The following KCNN2 variants were observed in gnomAD, a reference collection of about 807,000 sequenced individuals.
KCNN2 encodes the protein potassium calcium-activated channel subfamily N member 2, also known as small conductance calcium-activated potassium channel protein 2.
A neutral mutation model predicts 55.5 loss-of-function variants in KCNN2; 24 were observed. That is an observed-to-expected ratio of 0.43 (90% confidence interval 0.31 to 0.61). The LOEUF (loss-of-function observed/expected upper bound fraction) is 0.61. Among genes scored for constraint, KCNN2 ranks in the 20% least tolerant of loss-of-function variants. KCNN2 has a pLI of 0.08. For missense variants in KCNN2, 754 were observed against 853.6 expected (o/e 0.88, Z 1.45); for synonymous variants, 431 against 336.1 (o/e 1.28, Z -3.09).
At chr5:114,112,369 C>T (rs1751617807) in intron 1 of KCNN2, among the ~76,000 whole-genome samples, 1 of 152,080 alleles carries the variant, frequency 6.6e-6, no homozygotes, top group Admixed American at 6.6e-5. Context: ...AAGAGAAATA[C>T]CTAATGTAAA....
At chr5:114,156,947 A>C (rs1752647540) in intron 1 of KCNN2, among the ~76,000 whole-genome samples, 1 of 151,982 alleles carries the variant, frequency 6.6e-6, no homozygotes, top group Middle Eastern at 3.4e-3. Flanking sequence ...TTGTTTAGTT[A>C]TGTAGTATAC....
chr5:114,440,006 C>G (rs1760148961), intron 3 of KCNN2, among the ~76,000 whole-genome samples: 1 of 152,086 alleles, frequency 6.6e-6, no homozygotes, highest in African/African-American at 2.4e-5. Flanking sequence ...AGGGACATAC[C>G]TTGACTCAGG....
At chr5:114,427,217 T>C (rs1414043295) in intron 3 of KCNN2, among the ~76,000 whole-genome samples, 1 of 152,224 alleles carries the variant, frequency 6.6e-6, no homozygotes, top group African/African-American at 2.4e-5. Context: ...TTCCCAATTT[T>C]CTACTCACCT....
intron 1 of KCNN2, among the ~76,000 whole-genome samples, chr5:114,152,653 G>C (rs957703117): frequency 6.6e-6 from 1 of 152,142 alleles, no homozygotes; most frequent in East Asian, 1.9e-4. Context: ...TACCCTGATA[G>C]AGAACACAGT....
chr5:114,190,588 G>A (rs1262474881), intron 1 of KCNN2, among the ~76,000 whole-genome samples: 1 of 151,998 alleles, frequency 6.6e-6, no homozygotes, highest in Non-Finnish European at 1.5e-5. Context: ...ACAATATATA[G>A]TATCTACATA....
intron 2 of KCNN2, among the ~76,000 whole-genome samples, chr5:114,386,221 A>T (rs910682756): frequency 6.6e-6 from 1 of 151,542 alleles, no homozygotes; most frequent in African/African-American, 2.4e-5. Context: ...TAGAGTGGTT[A>T]AATGACTTGC....
rs562276720 is a variant in KCNN2 at position 114,392,874 on chromosome 5, G to GT, written c.1219-11558dup. Among the ~76,000 whole-genome samples the GT allele has an allele frequency of 2.0e-3, 269 of 135,472 alleles. 1 individual carries two copies. The highest frequency in any genetic ancestry group is 7.1e-3 in the African/African-American group (258 of 36,224). The allele number at this position is 135,472 out of a possible 152,430, so 88.9% of individuals were successfully genotyped here. ...TTCTAAGGAAGGAGGCTTTTTTTTT[G>GT]TTTTTTGTTTTTTTTAATTAATACA... is the stretch of plus-strand genomic sequence containing the variant. On this transcript the variant is annotated intron_variant, in intron 2 of 7. Transcript: ENST00000673685.
chr5:114,209,876 A>G (rs983634195), intron 1 of KCNN2, among the ~76,000 whole-genome samples: 1 of 152,150 alleles, frequency 6.6e-6, no homozygotes, highest in African/African-American at 2.4e-5. Context: ...CTCATTATTC[A>G]CAGATTCCTT....
intron 1 of KCNN2, among the ~76,000 whole-genome samples, chr5:114,120,655 T>A (rs180742433): frequency 6.6e-5 from 10 of 152,282 alleles, no homozygotes; most frequent in Non-Finnish European, 1.2e-4. Context: ...AACCTGAGTA[T>A]TGGCAAAGTG....
At chr5:114,304,559 G>T (rs1319218858) in intron 2 of KCNN2, among the ~76,000 whole-genome samples, 1 of 152,196 alleles carries the variant, frequency 6.6e-6, no homozygotes, top group Non-Finnish European at 1.5e-5. Context: ...GCTGGAAGCT[G>T]TTTATCAAAT....
At chr5:114,101,933 C>T (rs1342405752) in intron 1 of KCNN2, among the ~76,000 whole-genome samples, 5 of 151,982 alleles carry the variant, frequency 3.3e-5, no homozygotes, top group Non-Finnish European at 7.4e-5. Context: ...ATTTATAATC[C>T]TTTGTGGATA....
intron 1 of KCNN2, among the ~76,000 whole-genome samples, 176 bp downstream of exon 1, chr5:114,363,437 G>A (rs774573833): frequency 5.9e-5 from 9 of 152,240 alleles, no homozygotes; most frequent in Non-Finnish European, 1.3e-4. Context: ...ACAACTCGGA[G>A]ATGAACCCTT....
At chr5:114,179,564 A>G (rs914360714) in intron 1 of KCNN2, among the ~76,000 whole-genome samples, 1 of 152,164 alleles carries the variant, frequency 6.6e-6, no homozygotes, top group African/African-American at 2.4e-5. Flanking sequence ...TCCTTTCATT[A>G]TACTCTCCTT....
intron 3 of KCNN2, among the ~76,000 whole-genome samples, chr5:114,458,461 G>T (rs937362286): frequency 3.9e-5 from 6 of 152,128 alleles, no homozygotes; most frequent in Admixed American, 2.6e-4. Context: ...ATATGTCTAT[G>T]TGTATAATCC....
At chr5:114,459,557 G>A (rs1279792306) in intron 3 of KCNN2, among the ~76,000 whole-genome samples, 2 of 152,056 alleles carry the variant, frequency 1.3e-5, no homozygotes, top group Non-Finnish European at 2.9e-5. Flanking sequence ...CTGAGTTGCT[G>A]AAAAACAAAA....
chr5:114,365,232 T>A (rs1042972040), intron 2 of KCNN2, among the ~76,000 whole-genome samples: 3 of 152,086 alleles, frequency 2.0e-5, no homozygotes, highest in South Asian at 2.1e-4. Flanking sequence ...AGGGATGAGG[T>A]TGGAGAATGA....
intron 2 of KCNN2, among the ~76,000 whole-genome samples, chr5:114,396,925 T>C (rs1050518133): frequency 7.2e-5 from 11 of 152,144 alleles, no homozygotes; most frequent in African/African-American, 2.7e-4. Flanking sequence ...CTTCTTTGCG[T>C]CCATGTGTAC....
chr5:114,431,027 A>G (rs1180134439), intron 3 of KCNN2, among the ~76,000 whole-genome samples: 1 of 152,098 alleles, frequency 6.6e-6, no homozygotes, highest in Non-Finnish European at 1.5e-5. Context: ...TACATTCATG[A>G]GAGATATTGG....
At chr5:114,292,623 C>T (rs375555076) in intron 2 of KCNN2, among the ~76,000 whole-genome samples, 4 of 152,184 alleles carry the variant, frequency 2.6e-5, no homozygotes, top group Admixed American at 1.3e-4. Flanking sequence ...AGTCAGGTAG[C>T]GTGATGCTTC....
Sources: gnomAD v4.1 joint callset for allele counts (sites outside exome capture counted in the v4.1 genomes callset) on GRCh38, gnomAD v4.1.1 for gene constraint, MANE v1.5 for transcripts, NCBI Gene and HGNC (gene_info 2026-07-23, HGNC 2026-07-21) for gene names.